TPRG1: variants seen among roughly 807,000 people sequenced by gnomAD.
The protein encoded by TPRG1 is tumor protein p63 regulated 1, also known as tumor protein p63-regulated gene 1 protein.
In TPRG1, 29 loss-of-function variants were observed where a neutral mutation model predicts 29.3. The ratio of observed to expected loss-of-function variants is 0.99; its 90% confidence interval spans 0.74 to 1.35. The LOEUF is 1.35. Among genes scored for constraint, TPRG1 ranks in the 40% most tolerant of loss-of-function variants. The pLI is 0.00. For synonymous variants in TPRG1, 130 were observed against 116.8 expected (o/e 1.11, Z -0.73); for missense variants, 327 against 335.0 (o/e 0.98, Z 0.19).
chr3:189,111,442 G>C (rs1465526215), intron 1 of TPRG1, among the ~76,000 whole-genome samples: 1 of 151,760 alleles, frequency 6.6e-6, no homozygotes, highest in African/African-American at 2.4e-5. Context: ...CTTTATGTTG[G>C]GTTTATCAGG....
intron 4 of TPRG1, among the ~76,000 whole-genome samples, chr3:189,241,549 A>T (rs1464889293): frequency 6.6e-6 from 1 of 151,576 alleles, no homozygotes; most frequent in East Asian, 1.9e-4. Flanking sequence ...CCAGTTTGTC[A>T]TATCTCTTTT....
rs145378396 is a variant in TPRG1 at position 189,182,633 on chromosome 3, AT to A, written c.-10+10504del. Among the ~76,000 whole-genome samples, 884 of 152,300 alleles carry A rather than the reference AT, an allele frequency of 5.8e-3. 10 individuals are homozygous for A. The highest frequency in any genetic ancestry group is 0.019 in the African/African-American group (778 of 41,568). ...TCTGGAAATTTATACTGAAAAAGAA[AT>A]TAAGGCTTATAAAAAGTTTTACCTA... On this transcript the variant is annotated intron_variant, in intron 1 of 5. Coordinates refer to ENST00000345063, the MANE Select transcript of TPRG1 (RefSeq NM_198485.4).
chr3:189,173,380 C>T (rs1729076875), intron 1 of TPRG1, among the ~76,000 whole-genome samples: 1 of 139,446 alleles, frequency 7.2e-6, no homozygotes, highest in Non-Finnish European at 1.5e-5. Flanking sequence ...TGCTCTGTTG[C>T]CCAGGCTGGA....
rs186345108 is a variant in TPRG1, at chr3:189,017,057, C to G, written c.-659-6693C>G. Among the ~76,000 whole-genome samples, 19 of 152,170 alleles carry G rather than the reference C, an allele frequency of 1.2e-4. No homozygotes were observed. In the South Asian group the frequency reaches 1.5e-3, roughly 12 times the overall value. ...TCTAAATTGGTTCCATTCTCACTGT[C>G]TCTTTCAGGTACCCCAATCAGTTGT... On this transcript the variant is annotated intron_variant, in intron 3 of 10. Transcript: ENST00000433971.
chr3:189,196,643 G>A (rs1027909071), intron 1 of TPRG1, among the ~76,000 whole-genome samples: 5 of 152,094 alleles, frequency 3.3e-5, no homozygotes, highest in Non-Finnish European at 7.4e-5. Context: ...CTCCCACTGG[G>A]TCCCTCCCAT....
chr3:189,317,705 G>A (rs777921474), intron 5 of TPRG1, among the ~76,000 whole-genome samples: 4 of 152,096 alleles, frequency 2.6e-5, no homozygotes, highest in Non-Finnish European at 4.4e-5. Context: ...TTTCCCATGG[G>A]GGACATATGA....
intron 4 of TPRG1, among the ~76,000 whole-genome samples, chr3:189,271,324 C>A (rs1023992760): frequency 6.6e-6 from 1 of 152,168 alleles, no homozygotes; most frequent in African/African-American, 2.4e-5. Context: ...ACATGATGGC[C>A]TTTGTCTGTC....
chr3:189,116,062 T>C (rs1306910216), intron 1 of TPRG1, among the ~76,000 whole-genome samples: 1 of 152,206 alleles, frequency 6.6e-6, no homozygotes, highest in Non-Finnish European at 1.5e-5. Flanking sequence ...ATAGCCAGTA[T>C]GGGCAACAGT....
chr3:189,274,935 AGTGTGTGTGT>A (rs57386934), intron 4 of TPRG1, among the ~76,000 whole-genome samples: 12,415 of 137,660 alleles, frequency 0.09, 609 homozygotes, highest in South Asian at 0.16. Flanking sequence ...TAATGTAATG[AGTGTGTGTGT>A]GTGTGTGTGT....
chr3:189,030,257 A>G (rs1259360148), intron 4 of TPRG1, among the ~76,000 whole-genome samples: 1 of 152,206 alleles, frequency 6.6e-6, no homozygotes, highest in East Asian at 1.9e-4. Context: ...GTGTGAGATG[A>G]ATATTGGCAT....
chr3:189,305,080 A>T (rs1050404877), intron 4 of TPRG1, among the ~76,000 whole-genome samples: 8 of 152,114 alleles, frequency 5.3e-5, no homozygotes, highest in African/African-American at 1.9e-4. Flanking sequence ...GTAATAATGA[A>T]AGCTGCCATC....
At chr3:189,008,076 AAC>A (rs1230170301) in intron 3 of TPRG1, among the ~76,000 whole-genome samples, 4 of 54,924 alleles carry the variant, frequency 7.3e-5, no homozygotes, top group African/African-American at 2.1e-4. Flanking sequence ...AAAAAAAAAA[AAC>A]GTTCTAGAAA....
At chr3:189,250,441 A>G (rs1164080951) in intron 4 of TPRG1, among the ~76,000 whole-genome samples, 1 of 150,206 alleles carries the variant, frequency 6.7e-6, no homozygotes, top group Non-Finnish European at 1.5e-5. Context: ...TTCTAATGAC[A>G]TAACTTGAAA....
At chr3:189,237,595 C>T (rs566712156) in intron 3 of TPRG1, among the ~76,000 whole-genome samples, 62 of 152,246 alleles carry the variant, frequency 4.1e-4, no homozygotes, top group African/African-American at 1.3e-3. Flanking sequence ...GTGGTTTCAG[C>T]GTACTCTGAG....
At chr3:189,110,831 A>G (rs906498142) in intron 1 of TPRG1, among the ~76,000 whole-genome samples, 2 of 151,806 alleles carry the variant, frequency 1.3e-5, no homozygotes, top group African/African-American at 4.8e-5. Context: ...CCCTTTCTTT[A>G]CTGAATTGCT....
intron 2 of TPRG1, among the ~76,000 whole-genome samples, chr3:189,004,267 T>G (rs1026585791): frequency 6.6e-6 from 1 of 152,068 alleles, no homozygotes; most frequent in Non-Finnish European, 1.5e-5. Context: ...AAAATTAAAG[T>G]TAAAAAAAAT....
intron 1 of TPRG1, among the ~76,000 whole-genome samples, chr3:189,176,306 T>C (rs189345107): frequency 1.3e-5 from 2 of 152,336 alleles, no homozygotes; most frequent in African/African-American, 4.8e-5. Context: ...GATTCATTCA[T>C]TTTAAACTAT....
At chr3:189,051,630 T>G (rs986088679) in intron 4 of TPRG1, among the ~76,000 whole-genome samples, 2 of 152,036 alleles carry the variant, frequency 1.3e-5, no homozygotes, top group African/African-American at 4.8e-5. Flanking sequence ...AGAGCTCACA[T>G]AGCCAAAGCA....
chr3:189,243,049 C>T (rs1021743493), intron 4 of TPRG1, among the ~76,000 whole-genome samples: 1 of 151,780 alleles, frequency 6.6e-6, no homozygotes, highest in Admixed American at 6.6e-5. Context: ...TATTTATTCT[C>T]TCATTGGTAT....
Sources: gnomAD v4.1 joint callset for allele counts (sites outside exome capture counted in the v4.1 genomes callset) on GRCh38, gnomAD v4.1.1 for gene constraint, MANE v1.5 for transcripts, NCBI Gene and HGNC (gene_info 2026-07-23, HGNC 2026-07-21) for gene names.